ZNF469: variants seen among roughly 807,000 people sequenced by gnomAD.
ZNF469 encodes zinc finger protein 469.
A neutral mutation model predicts 1.0 loss-of-function variants in ZNF469; 1 was observed. The observed-to-expected ratio is 1.00, with a 90% confidence interval of 0.35 to 4.73. ZNF469 has a LOEUF of 4.73. Among genes scored for constraint, ZNF469 ranks in the 30% most tolerant of loss-of-function variants. The pLI is 0.16. For synonymous variants in ZNF469, 2,703 were observed against 2,363.4 expected (o/e 1.14, Z -4.17); for missense variants, 6,100 against 5,356.3 (o/e 1.14, Z -4.33).
chr16:88,202,244 T>G, the ZNF469 span, among the ~76,000 whole-genome samples: 63,154 of 152,180 alleles, frequency 0.41, 13,320 homozygotes, highest in Admixed American at 0.48. Flanking sequence ...GTGGCTGCAC[T>G]GTGAGGCAGA....
the ZNF469 span, among the ~76,000 whole-genome samples, chr16:88,147,568 G>A: frequency 1.3e-5 from 2 of 152,040 alleles, no homozygotes; most frequent in African/African-American, 4.8e-5. Context: ...TTCACTCTCA[G>A]GGAGGGGCCT....
the ZNF469 span, among the ~76,000 whole-genome samples, chr16:88,245,513 G>A: frequency 2.0e-5 from 3 of 152,270 alleles, no homozygotes; most frequent in African/African-American, 7.2e-5. Context: ...GAGCCCTGAG[G>A]CTGGGAGGTC....
the ZNF469 span, among the ~76,000 whole-genome samples, chr16:88,125,373 T>C: frequency 5.3e-5 from 8 of 152,228 alleles, no homozygotes; most frequent in African/African-American, 9.6e-5. Context: ...ACCAATCCTA[T>C]TGAAACTATT....
the ZNF469 span, chr16:88,234,776 A>G: frequency 6.6e-6 from 1 of 152,196 alleles, no homozygotes; most frequent in Admixed American, 6.5e-5. Flanking sequence ...TGTCTTTCCC[A>G]TTGCAGCTTC....
rs1394907247 is a variant in ZNF469, at chr16:88,438,154, T to C, written c.10684T>C (p.Leu3562=). ...GTCTCTGTCTCCCTTCCCAGCTGCC[T>C]TGGCTGATGGCAGAGGAGACTGCGC... ...PPSLSPFPAA[L]ADGRGDCALD... The change falls in exon 3 of 3, where the codon TTG becomes CTG. Residue 3562 remains leucine, a synonymous_variant. Transcript: ENST00000565624. 34 of 1,550,086 alleles carry C rather than the reference T, an allele frequency of 2.2e-5. No individual in the cohort carries two copies. The highest frequency in any genetic ancestry group is 2.8e-5 in the Non-Finnish European group (32 of 1,146,918).
At chr16:88,150,742 T>C in the ZNF469 span, among the ~76,000 whole-genome samples, 1 of 112,650 alleles carries the variant, frequency 8.9e-6, no homozygotes, top group Non-Finnish European at 1.7e-5. Context: ...GGTTCGAGTT[T>C]CCGGACTTTG....
the ZNF469 span, among the ~76,000 whole-genome samples, chr16:88,168,272 C>T: frequency 1.5e-4 from 23 of 152,306 alleles, no homozygotes; most frequent in African/African-American, 5.1e-4. This position sits in a 1 kb window ranked among gnomAD's most constrained non-coding sequence, Gnocchi z 4.3. Context: ...CTTGGCCGAA[C>T]ATTTTCTACT....
chr16:88,422,935 GTGGA>G (rs1009836582), intron 1 of ZNF469, among the ~76,000 whole-genome samples: 16 of 149,420 alleles, frequency 1.1e-4, no homozygotes, highest in Middle Eastern at 3.6e-3. Context: ...TGATGGATGG[GTGGA>G]TGGATGATGA....
chr16:88,129,698 C>CA, the ZNF469 span, among the ~76,000 whole-genome samples: 22 of 152,136 alleles, frequency 1.4e-4, no homozygotes, highest in East Asian at 4.3e-3. Flanking sequence ...ACTAAGAATA[C>CA]AAAAAAATAT....
the ZNF469 span, among the ~76,000 whole-genome samples, chr16:88,305,837 C>G: frequency 6.6e-6 from 1 of 152,234 alleles, no homozygotes; most frequent in African/African-American, 2.4e-5. Context: ...ATGCACATGC[C>G]CAGACACAGA....
At position 88,428,929 on chromosome 16, in the gene ZNF469, G is replaced by A. The variant is rs1016285174; in HGVS notation, c.1459G>A (p.Val487Met). ...PQSAPLPWPQ[V>M]LPTARPSPHG... ...GAGTGCCCCCCTGCCTTGGCCCCAAGTGCTCCCGACCGCCCGGCCAAGTCC... is the reference window on the plus strand; with the variant it reads ...GAGTGCCCCCCTGCCTTGGCCCCAAATGCTCCCGACCGCCCGGCCAAGTCC... The change falls in exon 3 of 3, where the codon GTG becomes ATG. Residue 487 changes from valine to methionine, a missense_variant. Val to Met is a conservative substitution (Grantham distance 21). Transcript: ENST00000565624. 1.3e-6 allele frequency: 2 copies of A among 1,546,310 alleles called. No homozygotes were observed. Among genetic ancestry groups the A allele is most frequent in the Non-Finnish European group, 1.7e-6 (2 of 1,145,528 alleles).
the ZNF469 span, among the ~76,000 whole-genome samples, chr16:88,265,386 C>T: frequency 1.8e-3 from 273 of 152,306 alleles, no homozygotes; most frequent in African/African-American, 5.2e-3. Context: ...ACCCCGAGGG[C>T]TGCGGGAGGT....
chr16:88,402,602 G>C (rs750320954), intron 1 of ZNF469, among the ~76,000 whole-genome samples: 1 of 152,156 alleles, frequency 6.6e-6, no homozygotes, highest in African/African-American at 2.4e-5. Context: ...TTGCAGCTCA[G>C]ACCCCTTTGC....
the ZNF469 span, among the ~76,000 whole-genome samples, chr16:88,172,069 A>G: frequency 6.6e-6 from 1 of 152,198 alleles, no homozygotes; most frequent in Non-Finnish European, 1.5e-5. Flanking sequence ...ATGAGGGGAG[A>G]GGAGATCAAG....
At chr16:88,378,858 C>G (rs981140641), upstream of ZNF469, among the ~76,000 whole-genome samples, 5 of 152,230 alleles carry the variant, frequency 3.3e-5, no homozygotes, top group African/African-American at 1.2e-4. Flanking sequence ...GTCCCACATG[C>G]CACATCTCGG....
the ZNF469 span, among the ~76,000 whole-genome samples, chr16:88,366,071 A>G: frequency 6.6e-6 from 1 of 150,812 alleles, no homozygotes; most frequent in East Asian, 1.9e-4. Flanking sequence ...GATAAATGTG[A>G]GGCCACCATC....
chr16:88,387,170 C>A (rs1375469279), intron 1 of ZNF469, among the ~76,000 whole-genome samples: 1 of 152,198 alleles, frequency 6.6e-6, no homozygotes, highest in East Asian at 1.9e-4. Flanking sequence ...GGTGCGGACG[C>A]CGTCCGCACC....
intron 1 of ZNF469, among the ~76,000 whole-genome samples, chr16:88,388,357 CCAAA>C (rs1345855719): frequency 2.0e-5 from 3 of 152,240 alleles, no homozygotes; most frequent in Admixed American, 6.5e-5. Context: ...CAGCCAGCGG[CCAAA>C]CAGAGTCCAC....
At chr16:88,175,090 G>A in the ZNF469 span, among the ~76,000 whole-genome samples, 1 of 152,172 alleles carries the variant, frequency 6.6e-6, no homozygotes, top group Non-Finnish European at 1.5e-5. Flanking sequence ...AAGGCTTACT[G>A]AGCTTTTAAG....
Sources: gnomAD v4.1 joint callset for allele counts (sites outside exome capture counted in the v4.1 genomes callset) on GRCh38, gnomAD v4.1.1 for gene constraint, Gnocchi (gnomAD v3.1) non-coding constraint, MANE v1.5 for transcripts, NCBI Gene and HGNC (gene_info 2026-07-23, HGNC 2026-07-21) for gene names.